ABCC2: variants seen among roughly 807,000 people sequenced by gnomAD.
ABCC2 encodes ATP-binding cassette sub-family C member 2.
ABCC2 carries 157 observed loss-of-function variants against 173.4 expected under a neutral mutation model. That is an observed-to-expected ratio of 0.91 (90% confidence interval 0.80 to 1.03). ABCC2 has a LOEUF of 1.03. ABCC2 is among the 50% of genes least tolerant of loss of function. The pLI is 0.00. For missense variants in ABCC2, 1,822 were observed against 1,852.3 expected (o/e 0.98, Z 0.30); for synonymous variants, 657 against 693.5 (o/e 0.95, Z 0.83).
At chr10:99,785,988 T>C (rs1409381241) in intron 2 of ABCC2, among the ~76,000 whole-genome samples, 1 of 152,042 alleles carries the variant, frequency 6.6e-6, no homozygotes, top group Non-Finnish European at 1.5e-5. Context: ...TGATCGTGGG[T>C]TTTATTAGAT....
chr10:99,808,251 T>C, intron 13 of ABCC2, 22 bp downstream of exon 13: 1 of 1,613,620 alleles, frequency 6.2e-7, no homozygotes, highest in East Asian at 2.2e-5. Flanking sequence ...TTCTCACTGC[T>C]AACTCCCTGT....
At chr10:99,814,475 G>GTGTATGTGTA (rs2038328034) in intron 16 of ABCC2, among the ~76,000 whole-genome samples, 2 of 131,528 alleles carry the variant, frequency 1.5e-5, no homozygotes, top group African/African-American at 5.9e-5. Context: ...ACATATGTGT[G>GTGTATGTGTA]TATATACATA....
At chr10:99,828,845 C>A (rs575161206) in intron 19 of ABCC2, among the ~76,000 whole-genome samples, 5 of 152,056 alleles carry the variant, frequency 3.3e-5, no homozygotes, top group African/African-American at 1.2e-4. Flanking sequence ...TCACTTCCTG[C>A]TTATACAGAG....
At chr10:99,833,429 A>G (rs1314514566) in intron 23 of ABCC2, among the ~76,000 whole-genome samples, 1 of 152,210 alleles carries the variant, frequency 6.6e-6, no homozygotes, top group African/African-American at 2.4e-5. Flanking sequence ...ACTGTCATTA[A>G]TTATATAGTA....
chr10:99,814,309 G>GTGTA (rs1554850673), intron 16 of ABCC2, among the ~76,000 whole-genome samples: 2 of 43,778 alleles, frequency 4.6e-5, no homozygotes, highest in African/African-American at 1.8e-4. Context: ...ATACACACAT[G>GTGTA]TATATACACA....
chr10:99,836,434 A>C, intron 25 of ABCC2, 144 bp downstream of exon 25: 3 of 926,282 alleles, frequency 3.2e-6, no homozygotes, highest in South Asian at 2.8e-5. Flanking sequence ...TGGAGAGAAG[A>C]AAGCATGAGC....
At position 99,830,450 on chromosome 10, in the gene ABCC2, G is replaced by A. The variant is rs747163258; in HGVS notation, c.2747+17G>A. ...TAGCCGCAGGTTGGCTATCTATTCA[G>A]CTGGCAGCCCTCGTCAGCTCTATAT... On this transcript the variant is annotated intron_variant, in intron 20 of 31. Transcript: ENST00000647814. 6 of 1,614,078 alleles carry A rather than the reference G, an allele frequency of 3.7e-6. No individual in the cohort carries two copies. In the East Asian group the frequency reaches 1.1e-4, roughly 30 times the overall value.
chr10:99,835,041 C>T (rs903739617), intron 24 of ABCC2, among the ~76,000 whole-genome samples: 6 of 152,138 alleles, frequency 3.9e-5, no homozygotes, highest in African/African-American at 1.4e-4. Context: ...AGGCTCAATT[C>T]CAGTGTATTC....
At chr10:99,837,460 CT>C (rs1233997069) in intron 25 of ABCC2, among the ~76,000 whole-genome samples, 31 of 5,698 alleles carry the variant, frequency 5.4e-3, no homozygotes, top group South Asian at 0.022. Context: ...TCTTTTTTTT[CT>C]TTTTTTTTTT....
At chr10:99,845,516 GT>G in intron 28 of ABCC2, 107 bp from the exon 29 acceptor site, 1 of 1,375,806 alleles carries the variant, frequency 7.3e-7, no homozygotes, top group Non-Finnish European at 1.0e-6. Flanking sequence ...TAGAGATGGA[GT>G]AGCCAGTCAC....
intron 19 of ABCC2, among the ~76,000 whole-genome samples, chr10:99,822,860 T>A (rs1461575117): frequency 6.6e-6 from 1 of 152,198 alleles, no homozygotes; most frequent in Non-Finnish European, 1.5e-5. Flanking sequence ...TCCTGTTGTA[T>A]GTGAAATTTT....
intron 11 of ABCC2, among the ~76,000 whole-genome samples, chr10:99,806,889 G>A (rs947816825): frequency 1.3e-5 from 2 of 152,208 alleles, no homozygotes; most frequent in Non-Finnish European, 2.9e-5. Context: ...TCTCCACACA[G>A]AGCTCTGACA....
chr10:99,791,647 A>T (rs545520319), intron 2 of ABCC2, among the ~76,000 whole-genome samples: 15 of 152,154 alleles, frequency 9.9e-5, no homozygotes, highest in Admixed American at 5.9e-4. Context: ...TGAAGTCTTG[A>T]CTGGGGCTAA....
intron 6 of ABCC2, among the ~76,000 whole-genome samples, chr10:99,796,630 A>C (rs944984492): frequency 6.6e-6 from 1 of 152,174 alleles, no homozygotes; most frequent in African/African-American, 2.4e-5. Context: ...GGTTGCGGTG[A>C]GCCAAGATTG....
At chr10:99,818,579 T>A (rs1409322379) in intron 17 of ABCC2, among the ~76,000 whole-genome samples, 1 of 152,232 alleles carries the variant, frequency 6.6e-6, no homozygotes, top group Non-Finnish European at 1.5e-5. Context: ...AAGTAAATTA[T>A]CTGATAAAAA....
rs532456956 is a variant in ABCC2, at chr10:99,835,400, G to A, written c.3415-691G>A. Among the ~76,000 whole-genome samples the A allele has an allele frequency of 1.3e-3, 202 of 151,884 alleles. 2 individuals are homozygous for A. The highest frequency in any genetic ancestry group is 1.9e-3 in the Non-Finnish European group (130 of 67,970). On this transcript the variant is annotated intron_variant, in intron 24 of 31. Transcript: ENST00000647814. ...GTCCATGTATAACATTTTGCATCCC[G>A]TCTCTCCAACGCCCCACTCTTCCCA...
At chr10:99,816,312 C>A (rs1224221800) in intron 16 of ABCC2, among the ~76,000 whole-genome samples, 1 of 148,300 alleles carries the variant, frequency 6.7e-6, no homozygotes, top group South Asian at 2.1e-4. Context: ...GAGATGGAGC[C>A]TCACTCTGTC....
chr10:99,815,142 T>C (rs1431694259), intron 16 of ABCC2, among the ~76,000 whole-genome samples: 2 of 152,014 alleles, frequency 1.3e-5, no homozygotes, highest in African/African-American at 2.4e-5. Context: ...TTCCCTTCCC[T>C]GTATCCATGT....
chr10:99,789,667 AC>A (rs1331285531), intron 2 of ABCC2, among the ~76,000 whole-genome samples: 1 of 144,390 alleles, frequency 6.9e-6, no homozygotes, highest in African/African-American at 2.6e-5. Context: ...GTGAGATAGC[AC>A]CACTACACTC....
Sources: gnomAD v4.1 joint callset for allele counts (sites outside exome capture counted in the v4.1 genomes callset) on GRCh38, gnomAD v4.1.1 for gene constraint, MANE v1.5 for transcripts, NCBI Gene and HGNC (gene_info 2026-07-23, HGNC 2026-07-21) for gene names.